RAF1: variants seen among roughly 807,000 people sequenced by gnomAD.
RAF1 encodes the protein RAF proto-oncogene serine/threonine-protein kinase.
In RAF1, 27 loss-of-function variants were observed where a neutral mutation model predicts 81.1. The ratio of observed to expected loss-of-function variants is 0.33; its 90% CI spans 0.25 to 0.46. RAF1 has a LOEUF of 0.46. Among genes scored for constraint, RAF1 ranks in the 20% least tolerant of loss-of-function variants. The pLI is 1.00. For synonymous variants in RAF1, 298 were observed against 294.0 expected (o/e 1.01, Z -0.14); for missense variants, 598 against 826.0 (o/e 0.72, Z 3.38).
chr3:12,587,523 A>C, intron 14 of RAF1, 68 bp downstream of exon 13: 1 of 1,416,530 alleles, frequency 7.1e-7, no homozygotes, highest in Non-Finnish European at 1.0e-6. Flanking sequence ...CTTGTGATAG[A>C]AAGCCTCCCT....
rs751571550 is a variant in RAF1 at position 12,618,551 on chromosome 3, A to G, written c.171T>C (p.Thr57=). 2.0e-5 allele frequency: 32 copies of G among 1,614,254 alleles called. No individual in the cohort carries two copies. Among genetic ancestry groups the G allele is most frequent in the Middle Eastern group, 1.7e-4 (1 of 6,060 alleles). Residue 57 remains threonine, a synonymous_variant, in exon 2 of 18, where the codon ACT becomes ACC. Transcript: ENST00000442415. ...GCTTGTTCGGCAAGAAAACACGGATAGTGTTGCTTGTCTTAGAAGGATCTG... is the reference window on the plus strand; with the variant it reads ...GCTTGTTCGGCAAGAAAACACGGATGGTGTTGCTTGTCTTAGAAGGATCTG...
intron 1 of RAF1, among the ~76,000 whole-genome samples, chr3:12,657,209 T>C (rs1282743418): frequency 6.6e-6 from 1 of 152,048 alleles, no homozygotes; most frequent in Non-Finnish European, 1.5e-5. Context: ...AAGCAAGAAT[T>C]GTATATACTT....
At chr3:12,643,690 C>T (rs568828652) in intron 1 of RAF1, among the ~76,000 whole-genome samples, 2 of 151,458 alleles carry the variant, frequency 1.3e-5, no homozygotes, top group East Asian at 1.9e-4. Flanking sequence ...GAGCCAAAAT[C>T]GCACCACTGC....
intron 1 of RAF1, among the ~76,000 whole-genome samples, chr3:12,631,790 A>G (rs1001814787): frequency 6.6e-6 from 1 of 152,194 alleles, no homozygotes; most frequent in Non-Finnish European, 1.5e-5. Context: ...TACAGACAGC[A>G]TAAGCATGAA....
chr3:12,611,408 T>C (rs2059202618), intron 3 of RAF1, among the ~76,000 whole-genome samples: 1 of 152,094 alleles, frequency 6.6e-6, no homozygotes, highest in African/African-American at 2.4e-5. Flanking sequence ...TTTGTAGAGA[T>C]GGGCCTTCGC....
intron 11 of RAF1, among the ~76,000 whole-genome samples, chr3:12,595,892 T>G (rs79771263): frequency 6.6e-6 from 1 of 151,858 alleles, no homozygotes; most frequent in Non-Finnish European, 1.5e-5. Flanking sequence ...TTTTTTTTTT[T>G]GGACACAGGG....
chr3:12,603,156 C>T (rs2058916591), intron 8 of RAF1, among the ~76,000 whole-genome samples: 1 of 152,162 alleles, frequency 6.6e-6, no homozygotes, highest in South Asian at 2.1e-4. Flanking sequence ...TCCCTACAGC[C>T]TAGAACTTCT....
intron 1 of RAF1, 128 bp downstream of exon 1, chr3:12,663,685 C>G: frequency 2.6e-6 from 1 of 388,178 alleles, no homozygotes; most frequent in Non-Finnish European, 4.5e-6. Context: ...CGGCCTGGCC[C>G]AAGCCCTCTG....
intron 13 of RAF1, chr3:12,589,453 C>A (rs2058432471): frequency 1.3e-5 from 2 of 152,184 alleles, no homozygotes; most frequent in African/African-American, 4.8e-5. Context: ...AGCTTAGTAA[C>A]TCCCAGATGT....
intron 4 of RAF1, 75 bp downstream of exon 4, chr3:12,609,158 A>G (rs536297876): frequency 1.0e-5 from 12 of 1,172,168 alleles, no homozygotes; most frequent in South Asian, 6.1e-5. Context: ...ATACATACGC[A>G]TATTACCTGA....
rs1420447349 is a variant in RAF1, at chr3:12,604,254, G to A, written c.716C>T (p.Thr239Ile). The A allele has an allele frequency of 1.2e-6, 2 of 1,614,080 alleles. No individual in the cohort carries two copies. The highest frequency in any genetic ancestry group is 2.7e-5 in the African/African-American group (2 of 74,938). ...AGATGAGGGACTGGAGGTGTTAAAG[G>A]TGAAGGCGTGAGGTGTAGAATATCT... Residue 239 changes from threonine (T) to isoleucine (I), a missense_variant, in exon 7 of 18, where the codon ACC (threonine) becomes ATC (isoleucine). Physicochemically the swap from Thr to Ile is moderately conservative, Grantham distance 89. This residue lies in a region of RAF1 where 194 missense variants were observed against 202.7 expected (regional missense o/e 0.96). Coordinates refer to ENST00000442415, the MANE Select transcript of RAF1 (RefSeq NM_001354689.3).
chr3:12,658,311 G>A (rs1044355243), intron 1 of RAF1, among the ~76,000 whole-genome samples: 2 of 152,150 alleles, frequency 1.3e-5, no homozygotes, highest in Non-Finnish European at 2.9e-5. Context: ...TATCATAAAA[G>A]TTATGTGAGG....
intron 1 of RAF1, among the ~76,000 whole-genome samples, chr3:12,645,022 CAG>C (rs2060300273): frequency 6.9e-6 from 1 of 145,276 alleles, no homozygotes. Context: ...CTGCTTGAAC[CAG>C]AGAGTTGGAG....
rs886057917 is a variant in RAF1 at position 12,663,896 on chromosome 3, C to T, written c.-110G>A. 1.8e-5 allele frequency: 7 copies of T among 397,982 alleles called. No individual in the cohort carries two copies. Among genetic ancestry groups the T allele is most frequent in the African/African-American group, 1.4e-4 (7 of 48,586 alleles). The allele number at this position is 397,982 out of a possible 1,614,324, so 24.7% of individuals were successfully genotyped here. A position where few individuals can be genotyped will look rare whatever the true frequency, so the allele number is the denominator to read the frequency against. On this transcript the variant is annotated 5_prime_UTR_variant, in exon 1 of 18. Transcript: ENST00000442415. ...CTCCTCCCCGCGGCGGGTGAGGGAG[C>T]GGGAGGCGGTCACATTCGGCGCGTC...
In RAF1 at chr3:12,618,672, A is replaced by C; in HGVS notation, c.50T>G (p.Phe17Cys). 6.2e-7 allele frequency: 1 copy of C among 1,614,218 alleles called. No individual in the cohort carries two copies. The highest frequency in any genetic ancestry group is 1.6e-4 in the Middle Eastern group (1 of 6,062). Residue 17 changes from phenylalanine to cysteine, a missense_variant, in exon 2 of 18, where the codon TTC becomes TGC. Coordinates refer to ENST00000442415, the MANE Select transcript of RAF1 (RefSeq NM_001354689.3). ...GGAGCCATCAAACACGGCATCTTTG[A>C]ATCCAAAACCATTGCTGATCGTCTT...
chr3:12,644,536 G>A (rs1303882709), intron 1 of RAF1, among the ~76,000 whole-genome samples: 1 of 152,170 alleles, frequency 6.6e-6, no homozygotes. Flanking sequence ...AGAGAGTCAA[G>A]AAGCAGCTGG....
chr3:12,649,132 G>A (rs1047970328), intron 1 of RAF1, among the ~76,000 whole-genome samples: 1 of 151,916 alleles, frequency 6.6e-6, no homozygotes, highest in Non-Finnish European at 1.5e-5. Flanking sequence ...AAGAAAGAAA[G>A]AAAAGAAAAA....
chr3:12,663,157 G>C (rs543882680), intron 1 of RAF1, among the ~76,000 whole-genome samples: 1 of 152,292 alleles, frequency 6.6e-6, no homozygotes, highest in African/African-American at 2.4e-5. Flanking sequence ...AGCCTCAGCA[G>C]CTGCAGAGCT....
Position 12,663,815 on chromosome 3 carries a change from G to T in RAF1, c.-29C>A, listed in dbSNP as rs1348694210. ...CACGACCCGGTCCTGCCACCTACCT[G>T]AGGGAGCCAGGCCGCCCCAACGTCC... On this transcript the variant is annotated splice_region_variant and 5_prime_UTR_variant, in exon 1 of 18. Transcript: ENST00000442415. 1.5e-5 allele frequency: 6 copies of T among 397,290 alleles called. No homozygotes were observed. The highest frequency in any genetic ancestry group is 2.7e-5 in the Non-Finnish European group (6 of 225,412). 24.6% of individuals were successfully genotyped at this position (397,290 alleles called of 1,614,324 possible).
Sources: gnomAD v4.1 joint callset for allele counts (sites outside exome capture counted in the v4.1 genomes callset) on GRCh38, gnomAD v4.1.1 for gene constraint, gnomAD v4.1.1 regional missense constraint, MANE v1.5 for transcripts, NCBI Gene and HGNC (gene_info 2026-07-23, HGNC 2026-07-21) for gene names.